GRIN2B: variants seen among roughly 807,000 people sequenced by gnomAD.
The protein encoded by GRIN2B is glutamate receptor ionotropic, NMDA 2B.
A neutral mutation model predicts 114.5 loss-of-function variants in GRIN2B; 5 were observed. The observed-to-expected ratio is 0.04, with a 90% CI of 0.02 to 0.09. The LOEUF is 0.09. Ranked by LOEUF, GRIN2B falls within the 10% of genes least tolerant of loss-of-function variation. The pLI is 1.00. For synonymous variants in GRIN2B, 787 were observed against 745.1 expected (o/e 1.06, Z -0.92); for missense variants, 1,108 against 1,943.5 (o/e 0.57, Z 8.08).
intron 3 of GRIN2B, among the ~76,000 whole-genome samples, chr12:13,767,536 A>C (rs949630839): frequency 5.3e-5 from 8 of 152,226 alleles, no homozygotes; most frequent in African/African-American, 1.7e-4. Context: ...TTAACACTAT[A>C]AACAGCAACA....
chr12:13,547,983 T>TA lies in GRIN2B; in HGVS notation c.*14799_*14800insT, dbSNP rs1565444927. The TA allele has an allele frequency of 4.4e-3, 337 of 76,666 alleles. 1 individual carries two copies. The highest frequency in any genetic ancestry group is 0.02 in the African/African-American group (320 of 16,154). 4.7% of individuals were successfully genotyped at this position (76,666 alleles called of 1,614,324 possible). On this transcript the variant is annotated 3_prime_UTR_variant, in exon 14 of 14. Coordinates refer to ENST00000609686, the MANE Select transcript of GRIN2B (RefSeq NM_000834.5). ...TGTATATATATATATATATATATATTTTTTTTTTTTTTCTGAAAGCTACAG... is the reference window on the plus strand; with the variant it reads ...TGTATATATATATATATATATATATTATTTTTTTTTTTTCTGAAAGCTACAG...
At chr12:13,731,009 T>C (rs1863079568) in intron 4 of GRIN2B, among the ~76,000 whole-genome samples, 1 of 152,188 alleles carries the variant, frequency 6.6e-6, no homozygotes, top group African/African-American at 2.4e-5. Flanking sequence ...CACTGAACAC[T>C]GTGGCTCCTC....
chr12:13,948,767 G>C (rs751450808), intron 2 of GRIN2B, among the ~76,000 whole-genome samples: 3 of 152,112 alleles, frequency 2.0e-5, no homozygotes, highest in Admixed American at 6.6e-5. Context: ...AGACTCAAAA[G>C]TTGTGGTGCT....
intron 5 of GRIN2B, among the ~76,000 whole-genome samples, chr12:13,630,636 C>A (rs963525026): frequency 1.3e-5 from 2 of 152,150 alleles, no homozygotes; most frequent in African/African-American, 4.8e-5. Flanking sequence ...ACTAGACCCA[C>A]AAATTAGGCC....
At chr12:13,752,479 T>A (rs566347609) in intron 4 of GRIN2B, among the ~76,000 whole-genome samples, 1 of 152,234 alleles carries the variant, frequency 6.6e-6, no homozygotes, top group Non-Finnish European at 1.5e-5. Context: ...TCACTTTTAT[T>A]TCTAAAACAC....
chr12:13,573,605 T>TC (rs1948734966), intron 10 of GRIN2B, among the ~76,000 whole-genome samples: 1 of 125,470 alleles, frequency 8.0e-6, no homozygotes, highest in Non-Finnish European at 1.8e-5. Context: ...TCATTGTAGC[T>TC]GTGCTGTGCT....
intron 3 of GRIN2B, 126 bp downstream of exon 3, chr12:13,865,672 T>C (rs1865815130): frequency 1.2e-6 from 1 of 834,484 alleles, no homozygotes; most frequent in South Asian, 1.3e-5. Flanking sequence ...ATTGCTGGCC[T>C]ATCCACGCTG....
intron 2 of GRIN2B, among the ~76,000 whole-genome samples, chr12:13,931,764 A>G (rs1867036436): frequency 6.6e-6 from 1 of 152,144 alleles, no homozygotes; most frequent in Non-Finnish European, 1.5e-5. Context: ...ATGCAACTGC[A>G]TAGTCATCCA....
chr12:13,802,602 C>G (rs1272155663), intron 3 of GRIN2B, among the ~76,000 whole-genome samples: 1 of 151,926 alleles, frequency 6.6e-6, no homozygotes, highest in East Asian at 1.9e-4. Context: ...TTGCAGAATT[C>G]CATGAAGCCA....
chr12:13,977,163 C>T (rs1863035558), intron 2 of GRIN2B, among the ~76,000 whole-genome samples: 1 of 152,228 alleles, frequency 6.6e-6, no homozygotes, highest in Non-Finnish European at 1.5e-5. Flanking sequence ...CTTTCCCCTC[C>T]TTTCCTGTCA....
intron 3 of GRIN2B, among the ~76,000 whole-genome samples, chr12:13,790,286 C>T (rs758869728): frequency 6.6e-6 from 1 of 152,126 alleles, no homozygotes; most frequent in African/African-American, 2.4e-5. Flanking sequence ...CTGCACTGAC[C>T]TTCCACTCTC....
At position 13,732,974 on chromosome 12, in the gene GRIN2B, C is replaced by T. The variant is rs1163987273; in HGVS notation, c.1010+20343G>A. Among the ~76,000 whole-genome samples the T allele has an allele frequency of 1.3e-4, 20 of 152,230 alleles. 1 individual carries two copies. The highest frequency in any genetic ancestry group is 2.1e-4 in the South Asian group (1 of 4,828). ...AGTGAAACAGACACATCCCTGCCAA[C>T]GTGGAGCTAACAGTCTAGTTAGAGG... On this transcript the variant is annotated intron_variant, in intron 4 of 13. Transcript: ENST00000609686.
At chr12:13,971,595 C>T (rs1409668878) in intron 2 of GRIN2B, among the ~76,000 whole-genome samples, 1 of 152,158 alleles carries the variant, frequency 6.6e-6, no homozygotes, top group Non-Finnish European at 1.5e-5. Context: ...ACCATTCACA[C>T]CCCTCACCAA....
At chr12:13,970,839 T>C (rs945687617) in intron 2 of GRIN2B, among the ~76,000 whole-genome samples, 2 of 152,278 alleles carry the variant, frequency 1.3e-5, no homozygotes, top group African/African-American at 4.8e-5. Flanking sequence ...GCAGTCCTTC[T>C]TCCTATGTGA....
chr12:13,825,390 A>G (rs995910625), intron 3 of GRIN2B, among the ~76,000 whole-genome samples: 1 of 150,652 alleles, frequency 6.6e-6, no homozygotes, highest in Admixed American at 6.6e-5. Context: ...AAAAGAATGT[A>G]TATTCTCTCT....
intron 5 of GRIN2B, among the ~76,000 whole-genome samples, chr12:13,639,070 TGAG>T (rs759212571): frequency 3.4e-4 from 51 of 152,222 alleles, no homozygotes; most frequent in Non-Finnish European, 5.0e-4. Context: ...TCCATTTCAC[TGAG>T]GAGGGAGAAA....
intron 2 of GRIN2B, among the ~76,000 whole-genome samples, chr12:13,917,437 T>C (rs1315833689): frequency 6.6e-6 from 1 of 152,090 alleles, no homozygotes; most frequent in African/African-American, 2.4e-5. Flanking sequence ...CGAAGTGCTG[T>C]GGTACTTAAA....
chr12:13,963,778 G>A (rs1867740565), intron 2 of GRIN2B, among the ~76,000 whole-genome samples: 1 of 152,148 alleles, frequency 6.6e-6, no homozygotes, highest in South Asian at 2.1e-4. Flanking sequence ...TCTAGATGTT[G>A]AATATTCAAG....
intron 5 of GRIN2B, among the ~76,000 whole-genome samples, chr12:13,665,377 T>A (rs1171647941): frequency 6.6e-6 from 1 of 152,174 alleles, no homozygotes; most frequent in Admixed American, 6.6e-5. Context: ...CCCCAGATGC[T>A]GGACCATTTC....
Sources: gnomAD v4.1 joint callset for allele counts (sites outside exome capture counted in the v4.1 genomes callset) on GRCh38, gnomAD v4.1.1 for gene constraint, MANE v1.5 for transcripts, NCBI Gene and HGNC (gene_info 2026-07-23, HGNC 2026-07-21) for gene names.